The following CPQ variants were observed in gnomAD, a reference collection of about 807,000 sequenced individuals.
CPQ encodes Ser-Met dipeptidase.
Under a neutral mutation model 45.7 loss-of-function variants are expected in CPQ, and 37 were observed. The observed-to-expected ratio is 0.81, with a 90% CI of 0.62 to 1.07. The LOEUF (loss-of-function observed/expected upper bound fraction) is 1.07. Among genes scored for constraint, CPQ ranks in the 50% least tolerant of loss-of-function variants. The pLI, the probability that CPQ is intolerant of heterozygous loss-of-function variation, is 0.00. For missense variants in CPQ, 537 were observed against 572.9 expected, an observed-to-expected ratio of 0.94 and a Z score of 0.64; for synonymous variants, 186 against 205.8, an observed-to-expected ratio of 0.90 and a Z score of 0.82.
chr8:97,104,876 A>C (rs776395863), intron 7 of CPQ, among the ~76,000 whole-genome samples: 2 of 152,168 alleles, frequency 1.3e-5, no homozygotes, highest in Non-Finnish European at 2.9e-5. Context: ...AGGTGTGGGA[A>C]GTGTTTCTAA....
chr8:97,071,858 G>C (rs1810749478), intron 7 of CPQ, among the ~76,000 whole-genome samples: 1 of 152,100 alleles, frequency 6.6e-6, no homozygotes. Context: ...CAGGGACGTT[G>C]GTTCTTTACA....
intron 7 of CPQ, among the ~76,000 whole-genome samples, chr8:97,142,594 A>G (rs1812185758): frequency 6.6e-6 from 1 of 152,262 alleles, no homozygotes; most frequent in South Asian, 2.1e-4. Context: ...TTATACAAAT[A>G]AAAGTTTATT....
chr8:96,891,245 G>T (rs539146797), intron 4 of CPQ, among the ~76,000 whole-genome samples: 1 of 152,170 alleles, frequency 6.6e-6, no homozygotes, highest in African/African-American at 2.4e-5. Flanking sequence ...GAAGCATTGC[G>T]TGCAGAATGG....
intron 4 of CPQ, among the ~76,000 whole-genome samples, chr8:96,913,646 TTG>T (rs1238182477): frequency 6.6e-6 from 1 of 152,222 alleles, no homozygotes; most frequent in Non-Finnish European, 1.5e-5. Flanking sequence ...AGTAAATTCT[TTG>T]TGTTTCCCAT....
Position 96,879,779 on chromosome 8 carries a change from G to A in CPQ, c.642-19G>A. 3.7e-6 allele frequency: 6 copies of A among 1,604,702 alleles called. No individual in the cohort carries two copies. Among genetic ancestry groups the A allele is most frequent in the Non-Finnish European group, 5.1e-6 (6 of 1,171,612 alleles). On this transcript the variant is annotated intron_variant, in intron 3 of 7. Coordinates refer to ENST00000220763, the MANE Select transcript of CPQ (RefSeq NM_016134.4). ...TCTATTTCCACTTTCAAGGTAACCT[G>A]GTGGCTTCTTCTCTCAAGTCCTCAC...
intron 7 of CPQ, among the ~76,000 whole-genome samples, chr8:97,123,199 TAAAATAA>T (rs1407263085): frequency 1.1e-3 from 76 of 66,268 alleles, no homozygotes; most frequent in African/African-American, 4.2e-3. Context: ...TAAAATAAAA[TAAAATAA>T]AAAATAAAAT....
At position 97,027,420 on chromosome 8, in the gene CPQ, T is replaced by C. The variant is rs1809822003; in HGVS notation, c.962-1983T>C. 2.0e-5 allele frequency among the ~76,000 whole-genome samples: 3 copies of C among 152,244 alleles called. No individual in the cohort carries two copies. The South Asian group carries it at 6.2e-4, about 32-fold the overall frequency. ...GTGGTTTTATTTTTCACTTATTGAA[T>C]GCCAATTACATGCCAGCCCCAGGGT... On this transcript the variant is annotated intron_variant, in intron 5 of 7. Coordinates refer to ENST00000220763, the MANE Select transcript of CPQ (RefSeq NM_016134.4).
At chr8:96,910,896 C>G in intron 4 of CPQ, among the ~76,000 whole-genome samples, 1 of 151,926 alleles carries the variant, frequency 6.6e-6, no homozygotes. Flanking sequence ...AAGGCTGAGT[C>G]AGGACTTGAA....
chr8:96,984,476 C>T (rs1813968596), intron 5 of CPQ, among the ~76,000 whole-genome samples: 1 of 152,114 alleles, frequency 6.6e-6, no homozygotes, highest in Non-Finnish European at 1.5e-5. Context: ...TCCCTTCTGT[C>T]TTCTATGTGA....
At chr8:96,823,370 T>C (rs1016498959) in intron 2 of CPQ, among the ~76,000 whole-genome samples, 4 of 152,046 alleles carry the variant, frequency 2.6e-5, no homozygotes, top group Non-Finnish European at 4.4e-5. Flanking sequence ...AACTTTCTTA[T>C]GGGAAATTTG....
chr8:96,749,541 T>C (rs980842641), intron 1 of CPQ, among the ~76,000 whole-genome samples: 1 of 152,156 alleles, frequency 6.6e-6, no homozygotes, highest in Non-Finnish European at 1.5e-5. Flanking sequence ...AACAAAGACC[T>C]TCTAGGGCTG....
At position 96,993,498 on chromosome 8, in the gene CPQ, T is replaced by C. The variant is rs184950549; in HGVS notation, c.961+27452T>C. 9.9e-5 allele frequency among the ~76,000 whole-genome samples: 15 copies of C among 152,274 alleles called. No homozygotes were observed. In the East Asian group the frequency reaches 2.5e-3, roughly 25 times the overall value. Reference sequence around the variant, plus strand: ...ATTACTCACTAAATATGGATCATTTTAAAATAATTAGATATATGTATGAAT... The same window carrying C: ...ATTACTCACTAAATATGGATCATTTCAAAATAATTAGATATATGTATGAAT... On this transcript the variant is annotated intron_variant, in intron 5 of 7. Coordinates refer to ENST00000220763, the MANE Select transcript of CPQ (RefSeq NM_016134.4).
At chr8:96,989,514 C>CGGAGA (rs1202736444) in intron 5 of CPQ, among the ~76,000 whole-genome samples, 10 of 147,290 alleles carry the variant, frequency 6.8e-5, no homozygotes, top group Non-Finnish European at 1.2e-4. Flanking sequence ...AGGAGAGGAG[C>CGGAGA]GGAGAGGAGA....
At chr8:96,909,719 G>A (rs1438722111) in intron 4 of CPQ, among the ~76,000 whole-genome samples, 1 of 152,156 alleles carries the variant, frequency 6.6e-6, no homozygotes, top group Admixed American at 6.5e-5. Flanking sequence ...GGAGAGCTGG[G>A]AGTGGACATC....
chr8:96,677,714 C>T (rs550482609), intron 1 of CPQ, among the ~76,000 whole-genome samples: 16 of 152,066 alleles, frequency 1.1e-4, no homozygotes, highest in African/African-American at 3.6e-4. Flanking sequence ...GTTACATTTG[C>T]TTTTGCAGTC....
At chr8:97,101,323 G>A (rs968676938) in intron 7 of CPQ, among the ~76,000 whole-genome samples, 7 of 151,966 alleles carry the variant, frequency 4.6e-5, no homozygotes, top group African/African-American at 1.7e-4. Context: ...GGAGATGATA[G>A]TGTTGGCTTA....
chr8:96,820,678 G>GTA (rs1052473599), intron 2 of CPQ, among the ~76,000 whole-genome samples: 12 of 151,996 alleles, frequency 7.9e-5, no homozygotes, highest in African/African-American at 2.9e-4. Flanking sequence ...ATTTCATTGT[G>GTA]TATATATATG....
At chr8:96,911,193 C>T (rs896413589) in intron 4 of CPQ, among the ~76,000 whole-genome samples, 4 of 151,024 alleles carry the variant, frequency 2.6e-5, no homozygotes, top group African/African-American at 4.9e-5. Flanking sequence ...AGGTTTGCAC[C>T]GAAAGTAGTT....
At chr8:97,131,863 A>G (rs1431504486) in intron 7 of CPQ, among the ~76,000 whole-genome samples, 2 of 152,142 alleles carry the variant, frequency 1.3e-5, no homozygotes, top group Non-Finnish European at 1.5e-5. Flanking sequence ...AAACAATAAT[A>G]CCAGTCCGTA....
Sources: allele counts gnomAD v4.1 joint callset (sites outside exome capture counted in the v4.1 genomes callset), GRCh38; gene constraint gnomAD v4.1.1; transcripts MANE v1.5; gene names NCBI Gene and HGNC (gene_info 2026-07-23, HGNC 2026-07-21).